Variants in KANK1 observed in about 807,000 individuals in gnomAD.
KANK1 encodes KN motif and ankyrin repeat domain-containing protein 1.
In KANK1, 109 loss-of-function variants were observed where a neutral mutation model predicts 106.2. The observed-to-expected ratio is 1.03, with a 90% confidence interval of 0.88 to 1.20. The LOEUF is 1.20. KANK1 is among the 50% of genes most tolerant of loss of function. The pLI is 0.00. For missense variants in KANK1, 2,399 were observed against 1,710.7 expected (o/e 1.40, Z -7.10); for synonymous variants, 873 against 652.2 (o/e 1.34, Z -5.16).
chr9:711,747 G>A lies in KANK1; in HGVS notation c.981G>A (p.Gly327=). 2 of 1,614,204 alleles carry A rather than the reference G, an allele frequency of 1.2e-6. No homozygotes were observed. Among genetic ancestry groups the A allele is most frequent in the African/African-American group, 1.3e-5 (1 of 75,058 alleles). Residue 327 remains glycine, a synonymous_variant, in exon 3 of 12, where the codon GGG becomes GGA. Transcript: ENST00000382297. ...CGVRKRSYSA[G]NASQLEQLSR... is the part of the protein sequence containing the mutation. ...TGAGGAAGCGGTCCTATAGTGCGGG[G>A]AACGCCTCCCAGCTGGAACAGCTCT...
At chr9:505,777 G>T (rs1024957314) in intron 1 of KANK1, among the ~76,000 whole-genome samples, 2 of 152,234 alleles carry the variant, frequency 1.3e-5, no homozygotes, top group African/African-American at 4.8e-5. Context: ...GATACCCGAG[G>T]CTAATAAGGA....
intron 1 of KANK1, among the ~76,000 whole-genome samples, chr9:543,795 C>G (rs1172032828): frequency 2.6e-5 from 4 of 152,106 alleles, no homozygotes; most frequent in African/African-American, 9.7e-5. Flanking sequence ...TGTTGCAAGA[C>G]TTGACATTTC....
At chr9:543,453 G>T (rs549320032) in intron 1 of KANK1, among the ~76,000 whole-genome samples, 14 of 151,932 alleles carry the variant, frequency 9.2e-5, no homozygotes, top group African/African-American at 3.4e-4. Context: ...CAGCTACTCG[G>T]GAGGCTGAGG....
upstream of KANK1, among the ~76,000 whole-genome samples, chr9:504,509 C>G (rs1050286579): frequency 2.0e-5 from 3 of 150,334 alleles, no homozygotes; most frequent in African/African-American, 5.0e-5. Context: ...GCCGGGGCTT[C>G]GCCGGCCCGC....
chr9:504,442 C>G (rs1186040134), upstream of KANK1, among the ~76,000 whole-genome samples: 1 of 151,604 alleles, frequency 6.6e-6, no homozygotes, highest in Non-Finnish European at 1.5e-5. Context: ...GCGGCCGGCT[C>G]CGCGGTACAA....
chr9:579,593 A>G (rs1187858080), intron 1 of KANK1, among the ~76,000 whole-genome samples: 6 of 152,112 alleles, frequency 3.9e-5, no homozygotes, highest in Admixed American at 3.3e-4. Context: ...GGGGAGAAGC[A>G]TCTTCTCAGC....
intron 1 of KANK1, among the ~76,000 whole-genome samples, chr9:562,088 C>G (rs1816632660): frequency 6.9e-6 from 1 of 143,896 alleles, no homozygotes; most frequent in South Asian, 2.3e-4. Flanking sequence ...CTCTGTCGCC[C>G]AGGCCGGACT....
intron 1 of KANK1, among the ~76,000 whole-genome samples, chr9:599,272 C>T (rs1827128848): frequency 6.6e-6 from 1 of 151,162 alleles, no homozygotes; most frequent in East Asian, 1.9e-4. Context: ...CCCATCCCAG[C>T]CTCCCAAAGT....
At chr9:552,853 AC>A (rs2061361681) in intron 1 of KANK1, among the ~76,000 whole-genome samples, 1 of 152,224 alleles carries the variant, frequency 6.6e-6, no homozygotes, top group Non-Finnish European at 1.5e-5. Flanking sequence ...TTAGAAATGA[AC>A]ATGATTGTGG....
intron 1 of KANK1, among the ~76,000 whole-genome samples, chr9:602,834 A>G (rs1828111634): frequency 6.6e-6 from 1 of 151,912 alleles, no homozygotes; most frequent in South Asian, 2.1e-4. Flanking sequence ...GATCTTGTTT[A>G]GATGAGATTC....
At chr9:604,288 C>A (rs1215804573) in intron 1 of KANK1, among the ~76,000 whole-genome samples, 1 of 151,656 alleles carries the variant, frequency 6.6e-6, no homozygotes, top group East Asian at 1.9e-4. Flanking sequence ...TGTGGTTTGG[C>A]TGTGTGTCCC....
chr9:647,946 C>T (rs1588553133), intron 1 of KANK1, among the ~76,000 whole-genome samples: 1 of 150,062 alleles, frequency 6.7e-6, no homozygotes, highest in Admixed American at 6.6e-5. Context: ...TCATGTGCAC[C>T]TCACACACAG....
chr9:710,624 A>AC (rs1589103002), intron 2 of KANK1, among the ~76,000 whole-genome samples, 180 bp from the exon 3 acceptor site: 1 of 130,554 alleles, frequency 7.7e-6, no homozygotes, highest in East Asian at 2.0e-4. Flanking sequence ...TCAAAAAAAA[A>AC]AAAAACAAAA....
At chr9:634,546 A>G (rs1372282721) in intron 1 of KANK1, among the ~76,000 whole-genome samples, 1 of 152,186 alleles carries the variant, frequency 6.6e-6, no homozygotes, top group Non-Finnish European at 1.5e-5. Flanking sequence ...GTATGCTTAC[A>G]TGTTAGCAGA....
intron 1 of KANK1, among the ~76,000 whole-genome samples, chr9:506,442 G>A (rs559695850): frequency 6.6e-6 from 1 of 152,270 alleles, no homozygotes; most frequent in African/African-American, 2.4e-5. Context: ...TCCCCTTAGG[G>A]CACAGGGATG....
chr9:660,979 A>G (rs533070709), intron 1 of KANK1, among the ~76,000 whole-genome samples: 1 of 152,258 alleles, frequency 6.6e-6, no homozygotes, highest in South Asian at 2.1e-4. Flanking sequence ...AAGGGAACAA[A>G]TCTCAAAACT....
chr9:521,570 T>C (rs2059554086), intron 1 of KANK1, among the ~76,000 whole-genome samples: 1 of 149,334 alleles, frequency 6.7e-6, no homozygotes, highest in African/African-American at 2.5e-5. Context: ...AGATTCTTTT[T>C]TTTTTTTTTT....
chr9:612,885 C>G (rs978400196), intron 1 of KANK1, among the ~76,000 whole-genome samples: 1 of 152,168 alleles, frequency 6.6e-6, no homozygotes, highest in Admixed American at 6.5e-5. Context: ...AGACACAAAT[C>G]ACCTTTGCCT....
At chr9:670,079 T>C (rs1203355159) in intron 1 of KANK1, among the ~76,000 whole-genome samples, 1 of 152,184 alleles carries the variant, frequency 6.6e-6, no homozygotes, top group Non-Finnish European at 1.5e-5. Context: ...TTTGATTTTT[T>C]ATCACTTCAA....
Sources: allele counts gnomAD v4.1 joint callset (sites outside exome capture counted in the v4.1 genomes callset), GRCh38; gene constraint gnomAD v4.1.1; transcripts MANE v1.5; gene names NCBI Gene and HGNC (gene_info 2026-07-23, HGNC 2026-07-21).